NRXN3: variants seen among roughly 807,000 people sequenced by gnomAD.
NRXN3 encodes neurexin 3.
In NRXN3, 32 loss-of-function variants were observed where a neutral mutation model predicts 137.6. That is an observed-to-expected ratio of 0.23 (90% CI 0.18 to 0.31). The LOEUF (loss-of-function observed/expected upper bound fraction) is 0.31, where lower values mean the gene tolerates loss of function less well. Among genes scored for constraint, NRXN3 ranks in the 10% least tolerant of loss-of-function variants. The pLI, the probability that NRXN3 is intolerant of heterozygous loss-of-function variation, is 1.00. For synonymous variants in NRXN3, 798 were observed against 784.5 expected (o/e 1.02, Z -0.29); for missense variants, 1,574 against 2,062.5 (o/e 0.76, Z 4.59).
At chr14:79,290,333 C>T (rs762228600) in intron 15 of NRXN3, among the ~76,000 whole-genome samples, 8 of 152,076 alleles carry the variant, frequency 5.3e-5, no homozygotes, top group South Asian at 2.1e-4. Flanking sequence ...TGATAGAGCA[C>T]GGTATTAAAC....
intron 4 of NRXN3, among the ~76,000 whole-genome samples, chr14:78,620,531 G>A (rs564904606): frequency 6.6e-6 from 1 of 152,278 alleles, no homozygotes; most frequent in African/African-American, 2.4e-5. Context: ...TGGCCAAAGG[G>A]GGAATCACTG....
intron 4 of NRXN3, among the ~76,000 whole-genome samples, chr14:78,495,034 A>G (rs1015238390): frequency 3.3e-5 from 5 of 151,980 alleles, no homozygotes; most frequent in African/African-American, 7.2e-5. Flanking sequence ...CAAAAGCTCA[A>G]GAACTTTTTC....
At chr14:79,209,393 A>C (rs991080614) in intron 15 of NRXN3, among the ~76,000 whole-genome samples, 3 of 152,156 alleles carry the variant, frequency 2.0e-5, no homozygotes, top group African/African-American at 4.8e-5. Flanking sequence ...TCTATAATGC[A>C]CTGCTATGTA....
chr14:79,637,726 G>GTTATTTTTTTTTTTTTTTTTTTTTTTTTT (rs1447669099), intron 16 of NRXN3, among the ~76,000 whole-genome samples: 1 of 93,000 alleles, frequency 1.1e-5, no homozygotes, highest in Non-Finnish European at 1.9e-5. Flanking sequence ...ATATAGAAAA[G>GTTATTTTTTTTTTTTTTTTTTTTTTTTTT]TTCTTTTTTT....
intron 8 of NRXN3, among the ~76,000 whole-genome samples, chr14:78,715,834 A>G (rs188331544): frequency 6.6e-6 from 1 of 151,794 alleles, no homozygotes; most frequent in Non-Finnish European, 1.5e-5. Flanking sequence ...CGAGCATTTA[A>G]TGTTAGTGAT....
intron 19 of NRXN3, among the ~76,000 whole-genome samples, chr14:79,793,974 G>T (rs1438183642): frequency 6.6e-6 from 1 of 152,102 alleles, no homozygotes; most frequent in African/African-American, 2.4e-5. Context: ...CTTGATGCAT[G>T]CACATTCTAC....
intron 10 of NRXN3, among the ~76,000 whole-genome samples, chr14:78,877,170 T>G (rs889108304): frequency 1.3e-5 from 2 of 152,210 alleles, no homozygotes; most frequent in African/African-American, 4.8e-5. Flanking sequence ...CAAATTTATA[T>G]TCTCTTAAAT....
chr14:78,641,906 C>G (rs751828017), intron 4 of NRXN3, among the ~76,000 whole-genome samples: 1 of 152,158 alleles, frequency 6.6e-6, no homozygotes, highest in African/African-American at 2.4e-5. Context: ...GTGATATTCT[C>G]TTCTCTACAC....
At chr14:78,872,966 G>T (rs1437565711) in intron 10 of NRXN3, among the ~76,000 whole-genome samples, 1 of 152,170 alleles carries the variant, frequency 6.6e-6, no homozygotes, top group Non-Finnish European at 1.5e-5. Flanking sequence ...CAGATTCTCT[G>T]AGTGTGTTTG....
At chr14:79,358,736 T>C (rs1172897671) in intron 15 of NRXN3, among the ~76,000 whole-genome samples, 1 of 151,994 alleles carries the variant, frequency 6.6e-6, no homozygotes, top group African/African-American at 2.4e-5. Context: ...CTAAGGTTAT[T>C]TTAATTAGCC....
At chr14:78,518,674 C>A (rs1403097373) in intron 4 of NRXN3, among the ~76,000 whole-genome samples, 6 of 152,136 alleles carry the variant, frequency 3.9e-5, no homozygotes, top group African/African-American at 1.4e-4. Flanking sequence ...AGAATTCAAT[C>A]AAAAGTCAGG....
chr14:78,338,590 T>C (rs1461876652), intron 4 of NRXN3, among the ~76,000 whole-genome samples: 3 of 152,110 alleles, frequency 2.0e-5, no homozygotes, highest in Non-Finnish European at 4.4e-5. Context: ...TAAAATAAAC[T>C]ACAGTGCAAG....
chr14:79,434,919 G>C (rs1395663529), intron 15 of NRXN3, among the ~76,000 whole-genome samples: 1 of 152,136 alleles, frequency 6.6e-6, no homozygotes, highest in African/African-American at 2.4e-5. Context: ...ACCATATGAG[G>C]CCACACCCAT....
intron 16 of NRXN3, among the ~76,000 whole-genome samples, chr14:79,643,563 T>C (rs1203159078): frequency 7.4e-6 from 1 of 135,582 alleles, no homozygotes; most frequent in African/African-American, 2.5e-5. Context: ...TAATACAACA[T>C]TGAAAGCCTA....
intron 15 of NRXN3, among the ~76,000 whole-genome samples, chr14:79,415,318 ATG>A (rs1168331127): frequency 6.6e-6 from 1 of 152,168 alleles, no homozygotes; most frequent in African/African-American, 2.4e-5. Context: ...TTTGAAAAAA[ATG>A]TGTCTGTACT....
intron 16 of NRXN3, among the ~76,000 whole-genome samples, chr14:79,640,107 A>G (rs565123243): frequency 7.4e-6 from 1 of 135,646 alleles, no homozygotes; most frequent in Non-Finnish European, 1.7e-5. Flanking sequence ...AAATGAAGAG[A>G]AAATTTACAT....
intron 16 of NRXN3, among the ~76,000 whole-genome samples, chr14:79,560,504 C>CTTTTTTTTTGTTTTTTTTTTTT (rs2097482621): frequency 2.3e-5 from 1 of 43,770 alleles, no homozygotes; most frequent in Non-Finnish European, 4.0e-5. Flanking sequence ...AGATTGTAAG[C>CTTTTTTTTTGTTTTTTTTTTTT]TTTTTTTTTT....
rs913499608 is a variant in NRXN3, at chr14:79,845,047, CT to C, written c.4094-16285del. Among the ~76,000 whole-genome samples the C allele has an allele frequency of 5.3e-5, 8 of 149,634 alleles. No individual in the cohort carries two copies. In the South Asian group the frequency reaches 8.5e-4, roughly 16 times the overall value. On this transcript the variant is annotated intron_variant, in intron 20 of 20. Coordinates refer to ENST00000335750, the MANE Select transcript of NRXN3 (RefSeq NM_001330195.2). ...TTGTGCTTTTATATTATGAAGATGG[CT>C]TTTTTTTTTCTTAAACCTCATGAAC...
chr14:78,532,150 C>CAAAAAAAAA (rs386381910), intron 4 of NRXN3, among the ~76,000 whole-genome samples: 6 of 121,350 alleles, frequency 4.9e-5, no homozygotes, highest in Non-Finnish European at 8.3e-5. Flanking sequence ...ACTAAAAATA[C>CAAAAAAAAA]AAAAAAAAAA....
Sources: allele counts gnomAD v4.1 joint callset (sites outside exome capture counted in the v4.1 genomes callset), GRCh38; gene constraint gnomAD v4.1.1; transcripts MANE v1.5; gene names NCBI Gene and HGNC (gene_info 2026-07-23, HGNC 2026-07-21).